MARK1: variants seen among roughly 807,000 people sequenced by gnomAD.
MARK1 encodes the protein serine/threonine-protein kinase MARK1.
Under a neutral mutation model 96.3 loss-of-function variants are expected in MARK1, and 40 were observed. The observed-to-expected ratio is 0.42, with a 90% CI of 0.32 to 0.54. The LOEUF is 0.54. Among genes scored for constraint, MARK1 ranks in the 20% least tolerant of loss-of-function variants. The pLI is 0.16. For synonymous variants in MARK1, 317 were observed against 341.2 expected (o/e 0.93, Z 0.78); for missense variants, 719 against 984.6 (o/e 0.73, Z 3.61).
At chr1:220,626,455 T>G in intron 9 of MARK1, 1 of 541,302 alleles carries the variant, frequency 1.8e-6, no homozygotes, top group Non-Finnish European at 3.8e-6. Flanking sequence ...TGAGGCCATT[T>G]CAAGTTCAGT....
chr1:220,548,946 C>T (rs1661683430), intron 1 of MARK1, among the ~76,000 whole-genome samples: 1 of 152,032 alleles, frequency 6.6e-6, no homozygotes, highest in African/African-American at 2.4e-5. Flanking sequence ...TGTAATAAAT[C>T]CTGGCAAGTG....
rs138805958 is a variant in MARK1 at position 220,593,486 on chromosome 1, T to A, written c.310-4845T>A. ...TTTTGGTTTTATAGCTATATGTGAA[T>A]CTTGTCTGCTCATATTACTTGTGAA... On this transcript the variant is annotated intron_variant, in intron 3 of 17. Transcript: ENST00000366917. Among the ~76,000 whole-genome samples the A allele has an allele frequency of 4.2e-3, 640 of 152,288 alleles. 5 individuals are homozygous for A. Among genetic ancestry groups the A allele is most frequent in the African/African-American group, 0.015 (605 of 41,558 alleles).
chr1:220,579,273 T>C (rs1289363453), intron 1 of MARK1, 81 bp from the exon 2 acceptor site: 27 of 915,450 alleles, frequency 2.9e-5, no homozygotes, highest in Non-Finnish European at 4.6e-5. Context: ...GAATTGGTAA[T>C]AATAATTATT....
At chr1:220,641,032 G>T (rs1459195639) in intron 13 of MARK1, among the ~76,000 whole-genome samples, 1 of 152,224 alleles carries the variant, frequency 6.6e-6, no homozygotes, top group African/African-American at 2.4e-5. Flanking sequence ...ATATGTGGGA[G>T]TTCAGGGAAA....
chr1:220,660,897 A>G (rs985625888), intron 17 of MARK1, among the ~76,000 whole-genome samples: 1 of 152,236 alleles, frequency 6.6e-6, no homozygotes, highest in African/African-American at 2.4e-5. Context: ...GTAGATTCAG[A>G]CAACACCCTA....
intron 6 of MARK1, among the ~76,000 whole-genome samples, chr1:220,609,560 G>A (rs866796238): frequency 1.3e-5 from 2 of 152,088 alleles, no homozygotes; most frequent in South Asian, 2.1e-4. Context: ...TTACATTTCA[G>A]GTTAATATTG....
intron 13 of MARK1, among the ~76,000 whole-genome samples, chr1:220,644,286 G>C (rs565275245): frequency 6.6e-6 from 1 of 152,028 alleles, no homozygotes; most frequent in Non-Finnish European, 1.5e-5. Context: ...TGACAAAATA[G>C]ACTTTAAACC....
chr1:220,661,416 GA>G (rs934099613), intron 17 of MARK1, among the ~76,000 whole-genome samples: 9 of 152,024 alleles, frequency 5.9e-5, no homozygotes, highest in African/African-American at 1.7e-4. Context: ...CAAAAAGGCA[GA>G]AAAAAGAAAT....
chr1:220,544,511 C>T (rs188641171), intron 1 of MARK1, among the ~76,000 whole-genome samples: 7 of 152,254 alleles, frequency 4.6e-5, no homozygotes, highest in African/African-American at 9.6e-5. Context: ...GGCTGAAGGC[C>T]GTCACGAGAT....
In MARK1 at chr1:220,579,403, C is replaced by T. The variant is rs376677478; in HGVS notation, c.101C>T (p.Ser34Leu). The T allele has an allele frequency of 5.0e-6, 8 of 1,613,894 alleles. No homozygotes were observed. The highest frequency in any genetic ancestry group is 1.6e-4 in the Middle Eastern group (1 of 6,084). ...GAACCACACATCCAGCCTACCAAGT[C>T]GAGTAGCAGACAGAACATCCCCCGG... ...YTEPHIQPTK[S>L]SSRQNIPRCR... The change falls in exon 2 of 18, where the codon TCG (serine) becomes TTG (leucine). Residue 34 changes from serine to leucine, a missense_variant. Physicochemically the swap from Ser to Leu is moderately radical, Grantham distance 145. Transcript: ENST00000366917.
intron 1 of MARK1, among the ~76,000 whole-genome samples, chr1:220,530,915 A>G (rs1008164988): frequency 2.0e-5 from 3 of 151,478 alleles, no homozygotes; most frequent in Non-Finnish European, 3.0e-5. Context: ...ACACCTGTCA[A>G]TTAATAAGTA....
At chr1:220,603,079 A>G (rs1031776105) in intron 5 of MARK1, among the ~76,000 whole-genome samples, 3 of 152,058 alleles carry the variant, frequency 2.0e-5, no homozygotes, top group Non-Finnish European at 4.4e-5. Context: ...GTCTGATTCT[A>G]AAGTCTGAGT....
intron 9 of MARK1, among the ~76,000 whole-genome samples, chr1:220,624,318 G>A (rs1667202054): frequency 7.8e-6 from 1 of 128,192 alleles, no homozygotes; most frequent in Admixed American, 8.3e-5. Context: ...AAAAAAAATA[G>A]GTTGGGCACG....
intron 1 of MARK1, among the ~76,000 whole-genome samples, chr1:220,558,452 A>G (rs1249209665): frequency 1.3e-5 from 2 of 151,842 alleles, no homozygotes; most frequent in Non-Finnish European, 2.9e-5. Flanking sequence ...ATAGTTTCTC[A>G]GCTTGTGTAA....
At chr1:220,538,825 A>T (rs1660909436) in intron 1 of MARK1, among the ~76,000 whole-genome samples, 1 of 151,412 alleles carries the variant, frequency 6.6e-6, no homozygotes, top group African/African-American at 2.4e-5. Context: ...ATTCTCTTTG[A>T]AGCAATTGTG....
chr1:220,622,907 ATG>A (rs780361446), intron 9 of MARK1, among the ~76,000 whole-genome samples: 4 of 152,120 alleles, frequency 2.6e-5, no homozygotes, highest in Non-Finnish European at 5.9e-5. Flanking sequence ...AATAAAATAA[ATG>A]TGCATCTAAG....
chr1:220,624,626 T>G (rs373623403), intron 9 of MARK1, among the ~76,000 whole-genome samples: 3 of 151,992 alleles, frequency 2.0e-5, no homozygotes, highest in Non-Finnish European at 4.4e-5. Flanking sequence ...GTTTTAGATT[T>G]CATAAGTAAA....
chr1:220,658,295 T>G (rs1443096575), intron 17 of MARK1, among the ~76,000 whole-genome samples: 2 of 152,202 alleles, frequency 1.3e-5, no homozygotes, highest in Non-Finnish European at 2.9e-5. Context: ...TTTTGGGGAT[T>G]TCTTTTTTTG....
At chr1:220,627,955 T>G (rs1667443986) in intron 9 of MARK1, 1 of 152,228 alleles carries the variant, frequency 6.6e-6, no homozygotes, top group South Asian at 2.1e-4. Flanking sequence ...TTCCCCTAAT[T>G]CTGCAGGTGG....
Sources: allele counts gnomAD v4.1 joint callset (sites outside exome capture counted in the v4.1 genomes callset), GRCh38; gene constraint gnomAD v4.1.1; transcripts MANE v1.5; gene names NCBI Gene and HGNC (gene_info 2026-07-23, HGNC 2026-07-21).